The following TANC2 variants were observed in gnomAD, a reference collection of about 807,000 sequenced individuals.
TANC2 encodes the protein tetratricopeptide repeat, ankyrin repeat and coiled-coil containing 2.
In TANC2, 26 loss-of-function variants were observed where a neutral mutation model predicts 210.5. The observed-to-expected ratio is 0.12, with a 90% confidence interval of 0.09 to 0.17. The LOEUF (loss-of-function observed/expected upper bound fraction) is 0.17, where lower values mean the gene tolerates loss of function less well. Among genes scored for constraint, TANC2 ranks in the 10% least tolerant of loss-of-function variants. The probability of loss-of-function intolerance (pLI) is 1.00; values close to 1 mark genes in which losing one functional copy is unlikely to be tolerated. For synonymous variants in TANC2, 931 were observed against 967.1 expected (o/e 0.96, Z 0.69); for missense variants, 2,129 against 2,608.9 (o/e 0.82, Z 4.01).
intron 2 of TANC2, among the ~76,000 whole-genome samples, chr17:63,012,060 A>C (rs1404768589): frequency 7.0e-6 from 1 of 143,764 alleles, no homozygotes; most frequent in Non-Finnish European, 1.5e-5. Flanking sequence ...TCTGTTGCCC[A>C]GTCTGGAGTC....
chr17:63,163,340 G>C (rs922183421), intron 5 of TANC2, among the ~76,000 whole-genome samples: 3 of 152,110 alleles, frequency 2.0e-5, no homozygotes, highest in Non-Finnish European at 2.9e-5. Context: ...CGGAGGGGAG[G>C]AAGTCAACAA....
chr17:63,291,132 A>G (rs185706045), intron 9 of TANC2, among the ~76,000 whole-genome samples: 3 of 152,318 alleles, frequency 2.0e-5, no homozygotes, highest in East Asian at 1.9e-4. Flanking sequence ...CTAGTATCCA[A>G]GTCTTACCTG....
intron 1 of TANC2, among the ~76,000 whole-genome samples, chr17:62,983,449 A>T (rs984924534): frequency 7.9e-5 from 12 of 151,842 alleles, no homozygotes; most frequent in Non-Finnish European, 1.6e-4. Context: ...TGTAATTTGG[A>T]TGCCTTTTAT....
intron 8 of TANC2, among the ~76,000 whole-genome samples, chr17:63,264,238 C>G (rs2043454930): frequency 6.6e-6 from 1 of 152,126 alleles, no homozygotes; most frequent in African/African-American, 2.4e-5. Context: ...ATGATCAAAC[C>G]CAAAGTCAAG....
exon 15 of TANC2, chr17:63,379,778 G>A (rs1275492353): frequency 2.5e-6 from 4 of 1,613,060 alleles, no homozygotes; most frequent in African/African-American, 1.3e-5. Context: ...TAAACCGACA[G>A]CAGACTATTG....
At chr17:63,256,474 A>AT (rs1019425127) in intron 8 of TANC2, among the ~76,000 whole-genome samples, 83 of 152,008 alleles carry the variant, frequency 5.5e-4, no homozygotes, top group African/African-American at 1.8e-3. Context: ...AATTCATATG[A>AT]TTTTTTTTAA....
At chr17:63,384,710 T>A (rs1284022379) in intron 15 of TANC2, among the ~76,000 whole-genome samples, 2 of 152,076 alleles carry the variant, frequency 1.3e-5, no homozygotes, top group Non-Finnish European at 2.9e-5. Flanking sequence ...AATTTAATAG[T>A]TGGGAAAAAA....
At chr17:63,189,858 G>T (rs1469211332) in intron 5 of TANC2, among the ~76,000 whole-genome samples, 1 of 152,112 alleles carries the variant, frequency 6.6e-6, no homozygotes, top group African/African-American at 2.4e-5. Context: ...TTACTACCAT[G>T]TTTTCTTCTA....
At chr17:63,096,942 C>T (rs1423068575) in intron 3 of TANC2, among the ~76,000 whole-genome samples, 1 of 151,110 alleles carries the variant, frequency 6.6e-6, no homozygotes, top group African/African-American at 2.4e-5. Context: ...CTCATTTTGG[C>T]TTTGTTTTTC....
At chr17:63,343,822 G>A (rs577823609) in intron 12 of TANC2, among the ~76,000 whole-genome samples, 1 of 152,310 alleles carries the variant, frequency 6.6e-6, no homozygotes, top group Non-Finnish European at 1.5e-5. Flanking sequence ...CTTGAACCCA[G>A]GAGGTCAAGG....
chr17:63,200,158 C>T (rs903265783), intron 6 of TANC2, among the ~76,000 whole-genome samples: 1 of 151,748 alleles, frequency 6.6e-6, no homozygotes, highest in African/African-American at 2.4e-5. Context: ...GAGTTCGAGA[C>T]CACCCTGGCC....
chr17:63,110,433 A>T (rs2037990997), intron 4 of TANC2, among the ~76,000 whole-genome samples: 1 of 151,726 alleles, frequency 6.6e-6, no homozygotes, highest in Non-Finnish European at 1.5e-5. Context: ...TTGCTATAAG[A>T]AAAAACCTCT....
chr17:63,420,726 T>C lies in TANC2; in HGVS notation c.4996T>C (p.Ser1666Pro). The C allele has an allele frequency of 1.2e-6, 2 of 1,613,954 alleles. No individual in the cohort carries two copies. Among genetic ancestry groups the C allele is most frequent in the South Asian group, 1.1e-5 (1 of 91,076 alleles). Reference sequence around the variant, plus strand: ...TCCTGGCAGACCCAAATCTCCATTATCCAAAATGGCCCAGCGGCCCTACCA... The same window carrying C: ...TCCTGGCAGACCCAAATCTCCATTACCCAAAATGGCCCAGCGGCCCTACCA... Residue 1666 changes from serine to proline, a missense_variant, in exon 28 of 28, where the codon TCC becomes CCC. Physicochemically the swap from Ser to Pro is moderately conservative, Grantham distance 74. Transcript: ENST00000689528. The surrounding 1 kb of genome is among the most constrained non-coding windows in gnomAD (Gnocchi z 4.2).
chr17:63,123,644 C>T (rs1170558139), intron 4 of TANC2, among the ~76,000 whole-genome samples: 3 of 149,740 alleles, frequency 2.0e-5, no homozygotes, highest in Non-Finnish European at 4.4e-5. Flanking sequence ...GAAGTTATAC[C>T]CGTAGAGAGT....
intron 1 of TANC2, among the ~76,000 whole-genome samples, chr17:62,992,101 A>T (rs996021538): frequency 6.6e-6 from 1 of 152,194 alleles, no homozygotes; most frequent in African/African-American, 2.4e-5. Context: ...ATACAGGAGG[A>T]TGTGCATAGG....
Position 63,198,243 on chromosome 17 carries a change from G to A in TANC2, c.583-2528G>A, listed in dbSNP as rs567488104. ...CAGAGTCTCACTCTGTTGCCCAGGC[G>A]GTAGTGCAGTGGCACGATCTTGGCT... is the stretch of plus-strand genomic sequence containing the variant. On this transcript the variant is annotated intron_variant, in intron 6 of 27. Coordinates refer to ENST00000689528, the Ensembl canonical transcript of TANC2. 4.0e-5 allele frequency among the ~76,000 whole-genome samples: 6 copies of A among 150,910 alleles called. No individual in the cohort carries two copies. The South Asian group carries it at 8.4e-4, about 21-fold the overall frequency.
At chr17:63,050,265 A>C (rs565963853) in intron 2 of TANC2, among the ~76,000 whole-genome samples, 1 of 151,742 alleles carries the variant, frequency 6.6e-6, no homozygotes, top group Non-Finnish European at 1.5e-5. Context: ...GCTGAGGTGG[A>C]TAGATCTCTT....
At chr17:63,168,200 A>G (rs902558708) in intron 5 of TANC2, among the ~76,000 whole-genome samples, 3 of 152,196 alleles carry the variant, frequency 2.0e-5, no homozygotes, top group Non-Finnish European at 4.4e-5. Context: ...AGACTCTCAT[A>G]TCTTCAAAAA....
At chr17:63,314,506 T>A (rs767889438) in exon 10 of TANC2, 26 of 1,613,964 alleles carry the variant, frequency 1.6e-5, no homozygotes, top group Non-Finnish European at 2.2e-5. Flanking sequence ...ACGAAATAGA[T>A]GCTCAACTTC....
Sources: allele counts gnomAD v4.1 joint callset (sites outside exome capture counted in the v4.1 genomes callset), GRCh38; gene constraint gnomAD v4.1.1; non-coding constraint Gnocchi (gnomAD v3.1); transcripts MANE v1.5; gene names NCBI Gene and HGNC (gene_info 2026-07-23, HGNC 2026-07-21).